SLC22A23: variants seen among roughly 807,000 people sequenced by gnomAD.
SLC22A23 encodes ion transporter protein.
SLC22A23 carries 26 observed loss-of-function variants against 61.0 expected under a neutral mutation model. The ratio of observed to expected loss-of-function variants is 0.43; its 90% CI spans 0.31 to 0.59. SLC22A23 has a LOEUF of 0.59. Among genes scored for constraint, SLC22A23 ranks in the 20% least tolerant of loss-of-function variants. The probability of loss-of-function intolerance (pLI) is 0.11; values close to 1 mark genes in which losing one functional copy is unlikely to be tolerated. For missense variants in SLC22A23, 796 were observed against 934.7 expected (o/e 0.85, Z 1.94); for synonymous variants, 430 against 413.9 (o/e 1.04, Z -0.47).
At chr6:3,287,356 G>A (rs1458979478) in intron 6 of SLC22A23, among the ~76,000 whole-genome samples, 1 of 152,254 alleles carries the variant, frequency 6.6e-6, no homozygotes, top group Non-Finnish European at 1.5e-5. Context: ...GTGGGCACAA[G>A]AGCAGTGAGT....
chr6:3,281,753 G>T (rs764641640), intron 9 of SLC22A23, among the ~76,000 whole-genome samples: 8 of 152,056 alleles, frequency 5.3e-5, no homozygotes, highest in Admixed American at 2.0e-4. Context: ...CGATGGCACG[G>T]GTGAAAAGGG....
chr6:3,285,317 C>A (rs563059874), intron 7 of SLC22A23, among the ~76,000 whole-genome samples: 147 of 152,348 alleles, frequency 9.6e-4, no homozygotes, highest in African/African-American at 3.4e-3. Context: ...GTTAGGAAGA[C>A]AGGAGTGAGA....
At chr6:3,301,771 C>T (rs943679082) in intron 4 of SLC22A23, among the ~76,000 whole-genome samples, 6 of 152,220 alleles carry the variant, frequency 3.9e-5, no homozygotes, top group Non-Finnish European at 7.3e-5. Context: ...AATCTCAAGT[C>T]CTGTTCCTTG....
Position 3,455,992 on chromosome 6 carries a change from C to A in SLC22A23, c.568G>T (p.Asp190Tyr), listed in dbSNP as rs1472061264. 7.1e-6 allele frequency: 11 copies of A among 1,547,596 alleles called. No individual in the cohort carries two copies. Among genetic ancestry groups the A allele is most frequent in the Non-Finnish European group, 9.6e-6 (11 of 1,146,724 alleles). Residue 190 changes from aspartate (D) to tyrosine (Y), a missense_variant, in exon 1 of 10, where the codon GAC (aspartate) becomes TAC (tyrosine). Coordinates refer to ENST00000406686, the MANE Select transcript of SLC22A23 (RefSeq NM_015482.2). ...GDTPPLPSPP[D>Y]KGDNASNCDC... ...CAGTTGGAGGCGTTGTCCCCCTTGTCCGGAGGGGATGGCAGGGGTGGTGTG... is the reference window on the plus strand; with the variant it reads ...CAGTTGGAGGCGTTGTCCCCCTTGTACGGAGGGGATGGCAGGGGTGGTGTG...
intron 3 of SLC22A23, among the ~76,000 whole-genome samples, chr6:3,376,081 A>G (rs1283701286): frequency 2.0e-5 from 3 of 152,248 alleles, no homozygotes; most frequent in Non-Finnish European, 4.4e-5. Context: ...TTTTCAGGCA[A>G]TAAAGATCGT....
rs188938247 is a variant in SLC22A23, at chr6:3,330,558, G to A, written c.914-6556C>T. On this transcript the variant is annotated intron_variant, in intron 3 of 9. Coordinates refer to ENST00000406686, the MANE Select transcript of SLC22A23 (RefSeq NM_015482.2). The surrounding 1 kb of genome is among the most constrained non-coding windows in gnomAD (Gnocchi z 4.7). Reference sequence around the variant, plus strand: ...GTGAACACACCACTCAATAATTACTGCCACAGGCAAGGACGCATGGCCCCC... The same window carrying A: ...GTGAACACACCACTCAATAATTACTACCACAGGCAAGGACGCATGGCCCCC... 1.9e-3 allele frequency among the ~76,000 whole-genome samples: 290 copies of A among 152,320 alleles called. No individual in the cohort carries two copies. Among genetic ancestry groups the A allele is most frequent in the Middle Eastern group, 6.8e-3 (2 of 294 alleles).
chr6:3,279,459 C>T (rs1455834137), intron 9 of SLC22A23, among the ~76,000 whole-genome samples: 4 of 130,684 alleles, frequency 3.1e-5, no homozygotes, highest in Non-Finnish European at 4.6e-5. Context: ...TGCAGTGAGC[C>T]GAGATCACGC....
intron 9 of SLC22A23, chr6:3,283,565 C>T (rs968636289): frequency 1.2e-5 from 5 of 400,316 alleles, no homozygotes; most frequent in South Asian, 2.1e-5. Context: ...TGCACTCCCC[C>T]CCTTGCCAGA....
intron 5 of SLC22A23, among the ~76,000 whole-genome samples, chr6:3,294,592 A>G (rs1760909433): frequency 6.6e-6 from 1 of 152,168 alleles, no homozygotes; most frequent in South Asian, 2.1e-4. Context: ...TCGTTTTTGC[A>G]TTAGGCTGCT....
rs568405313 is a variant in SLC22A23, at chr6:3,284,883, G to A, written c.1579+196C>T. 87 of 1,530,760 alleles carry A rather than the reference G, an allele frequency of 5.7e-5. No individual in the cohort carries two copies. The East Asian group carries it at 1.6e-3, about 29-fold the overall frequency. 94.8% of individuals were successfully genotyped at this position (1,530,760 alleles called of 1,614,324 possible). ...GCACACAAACAGGGAAGCACCAGTC[G>A]CTCTTTCTAGAGGCAAGAGGGAGAA... On this transcript the variant is annotated intron_variant, in intron 8 of 9. Coordinates refer to ENST00000406686, the MANE Select transcript of SLC22A23 (RefSeq NM_015482.2).
intron 4 of SLC22A23, among the ~76,000 whole-genome samples, chr6:3,321,164 C>T (rs960696396): frequency 1.3e-5 from 2 of 152,204 alleles, no homozygotes; most frequent in Non-Finnish European, 1.5e-5. Flanking sequence ...ATATGTTTTC[C>T]GTGCGTTATT....
At position 3,297,617 on chromosome 6, in the gene SLC22A23, G is replaced by A. The variant is rs72839352; in HGVS notation, c.1210+474C>T. 0.26 allele frequency among the ~76,000 whole-genome samples: 40,002 copies of A among 152,014 alleles called. 6,353 individuals are homozygous for A. Among genetic ancestry groups the A allele is most frequent in the Non-Finnish European group, 0.36 (24,534 of 67,950 alleles). ...ACGCAGGAATTCTATGGATCTGAAC[G>A]ACTATCCAAAAACACTTCACCTTTC... is the stretch of plus-strand genomic sequence containing the variant. On this transcript the variant is annotated intron_variant, in intron 5 of 9. Coordinates refer to ENST00000406686, the MANE Select transcript of SLC22A23 (RefSeq NM_015482.2). The surrounding 1 kb of genome is among the most constrained non-coding windows in gnomAD (Gnocchi z 4.3).
chr6:3,321,132 C>G (rs978530892), intron 4 of SLC22A23, among the ~76,000 whole-genome samples: 1 of 152,180 alleles, frequency 6.6e-6, no homozygotes, highest in Admixed American at 6.5e-5. Context: ...TCCGAGCCTC[C>G]CTTCAGACTG....
At chr6:3,315,518 G>A (rs951918310) in intron 4 of SLC22A23, among the ~76,000 whole-genome samples, 3 of 152,196 alleles carry the variant, frequency 2.0e-5, no homozygotes, top group Non-Finnish European at 2.9e-5. Flanking sequence ...GCCCTTCGAG[G>A]ATGGCATCTG....
At chr6:3,434,623 C>G (rs992245574) in intron 1 of SLC22A23, among the ~76,000 whole-genome samples, 2 of 151,022 alleles carry the variant, frequency 1.3e-5, no homozygotes, top group Non-Finnish European at 3.0e-5. Flanking sequence ...AAAAAAAAAT[C>G]TGTGAAATTA....
intron 3 of SLC22A23, among the ~76,000 whole-genome samples, chr6:3,400,615 G>C (rs1768318665): frequency 6.6e-6 from 1 of 152,230 alleles, no homozygotes; most frequent in Admixed American, 6.5e-5. Flanking sequence ...ACTTTGAGTA[G>C]TCAGCTACCT....
chr6:3,406,767 T>C (rs985867350), intron 3 of SLC22A23, among the ~76,000 whole-genome samples: 3 of 152,082 alleles, frequency 2.0e-5, no homozygotes, highest in African/African-American at 7.2e-5. Flanking sequence ...TTTTATGTAC[T>C]AATTACACAA....
At chr6:3,301,667 C>A (rs1222609854) in intron 4 of SLC22A23, among the ~76,000 whole-genome samples, 1 of 152,208 alleles carries the variant, frequency 6.6e-6, no homozygotes, top group African/African-American at 2.4e-5. Flanking sequence ...GGCCACGTAC[C>A]CCAAGGGCCA....
At position 3,329,946 on chromosome 6, in the gene SLC22A23, G is replaced by A. The variant is rs1433814882; in HGVS notation, c.914-5944C>T. The stretch of plus-strand genomic sequence containing the variant: ...GGCTCCTAAATTAAACACAATTCCT[G>A]GAACAGGCCTGCGGAACGAGAAATC... On this transcript the variant is annotated intron_variant, in intron 3 of 9. Transcript: ENST00000406686. This position sits in a 1 kb window ranked among gnomAD's most constrained non-coding sequence, Gnocchi z 4.8. Among the ~76,000 whole-genome samples the A allele has an allele frequency of 6.6e-6, 1 of 152,208 alleles. No homozygotes were observed. The highest frequency in any genetic ancestry group is 2.4e-5 in the African/African-American group (1 of 41,444).
Sources: gnomAD v4.1 joint callset for allele counts (sites outside exome capture counted in the v4.1 genomes callset) on GRCh38, gnomAD v4.1.1 for gene constraint, Gnocchi (gnomAD v3.1) non-coding constraint, MANE v1.5 for transcripts, NCBI Gene and HGNC (gene_info 2026-07-23, HGNC 2026-07-21) for gene names.